Variants in ATP6V1E1 observed in about 807,000 individuals in gnomAD.
ATP6V1E1 encodes V-type proton ATPase subunit E 1.
ATP6V1E1 carries 21 observed loss-of-function variants against 35.2 expected under a neutral mutation model. The observed-to-expected ratio is 0.60, with a 90% confidence interval of 0.42 to 0.86. The LOEUF (loss-of-function observed/expected upper bound fraction) is 0.86, where lower values mean the gene tolerates loss of function less well. Ranked by LOEUF, ATP6V1E1 falls within the 40% of genes least tolerant of loss-of-function variation. ATP6V1E1 has a pLI of 0.00. For synonymous variants in ATP6V1E1, 83 were observed against 87.8 expected, an observed-to-expected ratio of 0.95 and a Z score of 0.30; for missense variants, 183 against 272.6, an observed-to-expected ratio of 0.67 and a Z score of 2.32.
chr22:17,601,266 C>T, intron 4 of ATP6V1E1, 85 bp from the exon 5 acceptor site: 1 of 1,060,738 alleles, frequency 9.4e-7, no homozygotes, highest in Non-Finnish European at 1.4e-6. Context: ...CTGGCTCATG[C>T]CCAGCTGCCT....
chr22:17,619,205 T>C (rs1393255504), intron 2 of ATP6V1E1: 1 of 489,998 alleles, frequency 2.0e-6, no homozygotes, highest in Non-Finnish European at 3.7e-6. Context: ...GGTAGGAGAA[T>C]CACTTGAACC....
At chr22:17,594,445 C>T in intron 8 of ATP6V1E1, 84 bp downstream of exon 8, 1 of 1,086,310 alleles carries the variant, frequency 9.2e-7, no homozygotes, top group Non-Finnish European at 1.3e-6. Flanking sequence ...CAACAAATCC[C>T]AAATACCAGT....
intron 2 of ATP6V1E1, chr22:17,618,997 CAAAAT>C (rs1568892822): frequency 2.2e-6 from 1 of 451,992 alleles, no homozygotes; most frequent in Non-Finnish European, 4.4e-6. Context: ...GAGACTGTCT[CAAAAT>C]GAAAGAAGGG....
chr22:17,603,512 TCA>T (rs2057771645), intron 4 of ATP6V1E1, among the ~76,000 whole-genome samples: 1 of 151,818 alleles, frequency 6.6e-6, no homozygotes, highest in Admixed American at 6.6e-5. Flanking sequence ...TTTTTAAGGC[TCA>T]AGAGAAAGCA....
At chr22:17,601,225 A>C in intron 4 of ATP6V1E1, 44 bp from the exon 5 acceptor site, 5 of 1,534,118 alleles carry the variant, frequency 3.3e-6, no homozygotes, top group Non-Finnish European at 4.5e-6. Flanking sequence ...ACATCTGGGC[A>C]GTCGGCTCAG....
In ATP6V1E1 at chr22:17,592,503, C is replaced by T; in HGVS notation, c.*171G>A. ...TGATCATATTACATGAAGCTTTCCACCATTGTGAACAATTAGGCAAGGCAT... is the reference window on the plus strand; with the variant it reads ...TGATCATATTACATGAAGCTTTCCATCATTGTGAACAATTAGGCAAGGCAT... On this transcript the variant is annotated 3_prime_UTR_variant, in exon 9 of 9. Coordinates refer to ENST00000253413, the MANE Select transcript of ATP6V1E1 (RefSeq NM_001696.4). The T allele has an allele frequency of 4.3e-6, 3 of 699,506 alleles. No homozygotes were observed. The highest frequency in any genetic ancestry group is 7.3e-6 in the Non-Finnish European group (3 of 410,990). The allele number at this position is 699,506 out of a possible 1,614,324, so 43.3% of individuals were successfully genotyped here.
rs5747268 is a variant in ATP6V1E1 at position 17,612,546 on chromosome 22, C to T, written c.276+266G>A. 0.52 allele frequency: 172,010 copies of T among 331,262 alleles called. 48,763 individuals carry two copies. Among genetic ancestry groups the T allele is most frequent in the African/African-American group, 0.84 (39,149 of 46,760 alleles). The allele number at this position is 331,262 out of a possible 1,614,324, so 20.5% of individuals were successfully genotyped here. On this transcript the variant is annotated intron_variant, in intron 4 of 8. Coordinates refer to ENST00000253413, the MANE Select transcript of ATP6V1E1 (RefSeq NM_001696.4). ...TAACCATCCTATGGTTCTGGTCTCA[C>T]TGGTCCCTGTACCCTCATGTACTAC...
intron 1 of ATP6V1E1, among the ~76,000 whole-genome samples, chr22:17,627,501 G>A (rs1201215609): frequency 1.3e-5 from 2 of 151,692 alleles, no homozygotes; most frequent in East Asian, 3.9e-4. Context: ...TATGATAGAG[G>A]GGACTTCCCC....
At chr22:17,613,158 C>T (rs1047896837) in intron 3 of ATP6V1E1, 53 bp downstream of exon 3, 1 of 1,513,972 alleles carries the variant, frequency 6.6e-7, no homozygotes, top group South Asian at 1.2e-5. Flanking sequence ...AAAGCGCCTG[C>T]TCATGACTTC....
Position 17,601,014 on chromosome 22 carries a change from T to C in ATP6V1E1, c.366+78A>G, listed in dbSNP as rs992825949. On this transcript the variant is annotated intron_variant, in intron 5 of 8. Coordinates refer to ENST00000253413, the MANE Select transcript of ATP6V1E1 (RefSeq NM_001696.4). ...AGAGAAATGAGAAAGCAGGAAAAAA[T>C]AGAGCTGGTCTCTAATAGGCATTCT... 2.9e-5 allele frequency: 34 copies of C among 1,168,954 alleles called. 1 individual carries two copies. The highest frequency in any genetic ancestry group is 3.0e-4 in the Middle Eastern group (1 of 3,344). 72.4% of individuals were successfully genotyped at this position (1,168,954 alleles called of 1,614,324 possible).
intron 2 of ATP6V1E1, among the ~76,000 whole-genome samples, 173 bp downstream of exon 2, chr22:17,619,288 G>A (rs1484427340): frequency 1.3e-5 from 2 of 150,712 alleles, no homozygotes; most frequent in Non-Finnish European, 3.0e-5. Context: ...GTGAAACTCG[G>A]TCTCCAAAAA....
chr22:17,599,974 GAAGA>G lies in ATP6V1E1; in HGVS notation c.435+49_435+52del, dbSNP rs889261585. On this transcript the variant is annotated intron_variant, in intron 6 of 8. Transcript: ENST00000253413. Reference sequence around the variant, plus strand: ...AAGGAAAAGAAAGAGAGAGGGGAAGGAAGAAAGGGAGGGGGGAGGGAGGGAGGGA... The same window carrying G: ...AAGGAAAAGAAAGAGAGAGGGGAAGGAAGGGAGGGGGGAGGGAGGGAGGGA... 1.2e-5 allele frequency: 14 copies of G among 1,194,502 alleles called. No individual in the cohort carries two copies. The Admixed American group carries it at 2.3e-4, about 20-fold the overall frequency. 74.0% of individuals were successfully genotyped at this position (1,194,502 alleles called of 1,614,324 possible).
chr22:17,608,638 G>A (rs2146304932), intron 4 of ATP6V1E1, among the ~76,000 whole-genome samples: 1 of 152,248 alleles, frequency 6.6e-6, no homozygotes, highest in East Asian at 1.9e-4. Context: ...ATATTTATCA[G>A]ACTGGTCTCA....
At chr22:17,616,463 G>A (rs1409138520) in intron 2 of ATP6V1E1, among the ~76,000 whole-genome samples, 1 of 152,184 alleles carries the variant, frequency 6.6e-6, no homozygotes, top group Non-Finnish European at 1.5e-5. Context: ...TGGACTGCCT[G>A]AGTTCAGGAG....
At chr22:17,600,139 A>T (rs2057755382) in intron 5 of ATP6V1E1, 44 bp from the exon 6 acceptor site, 2 of 1,556,784 alleles carry the variant, frequency 1.3e-6, no homozygotes, top group Non-Finnish European at 1.8e-6. Flanking sequence ...TGCAAACTAT[A>T]AAATAAAGAA....
chr22:17,614,528 G>A (rs117844631), intron 2 of ATP6V1E1, among the ~76,000 whole-genome samples: 2,193 of 150,184 alleles, frequency 0.015, 28 homozygotes, highest in Middle Eastern at 0.063. Flanking sequence ...AAAATTAGCC[G>A]CGCATGGTGG....
intron 8 of ATP6V1E1, among the ~76,000 whole-genome samples, chr22:17,592,940 A>G (rs1209221965): frequency 1.3e-5 from 2 of 151,314 alleles, no homozygotes; most frequent in African/African-American, 4.9e-5. Context: ...GGTGCTTGCC[A>G]CCATGCCTGG....
intron 4 of ATP6V1E1, among the ~76,000 whole-genome samples, chr22:17,611,800 C>G (rs2057816884): frequency 6.6e-6 from 1 of 152,196 alleles, no homozygotes; most frequent in African/African-American, 2.4e-5. Context: ...CTACTCAGTT[C>G]TCACTGCCAC....
intron 5 of ATP6V1E1, chr22:17,600,530 C>A (rs1309880577): frequency 6.4e-6 from 1 of 157,196 alleles, no homozygotes; most frequent in Admixed American, 6.2e-5. Flanking sequence ...CTGGTAAGTT[C>A]CACTAACAGA....
Sources: allele counts gnomAD v4.1 joint callset (sites outside exome capture counted in the v4.1 genomes callset), GRCh38; gene constraint gnomAD v4.1.1; transcripts MANE v1.5; gene names NCBI Gene and HGNC (gene_info 2026-07-23, HGNC 2026-07-21).